TMEM94: variants seen among roughly 807,000 people sequenced by gnomAD.
TMEM94 encodes the protein transmembrane protein 94.
Under a neutral mutation model 158.6 loss-of-function variants are expected in TMEM94, and 81 were observed. The observed-to-expected ratio is 0.51, with a 90% CI of 0.43 to 0.61. The LOEUF (loss-of-function observed/expected upper bound fraction) is 0.61. Ranked by LOEUF, TMEM94 falls within the 20% of genes least tolerant of loss-of-function variation. The pLI is 0.00. For missense variants in TMEM94, 1,435 were observed against 1,762.0 expected (o/e 0.81, Z 3.32); for synonymous variants, 751 against 730.7 (o/e 1.03, Z -0.45).
chr17:75,462,492 C>T (rs1305668418), intron 1 of TMEM94, among the ~76,000 whole-genome samples: 3 of 151,488 alleles, frequency 2.0e-5, no homozygotes, highest in Admixed American at 6.6e-5. Flanking sequence ...TGCTTGGTTC[C>T]CTCTAGTGAT....
Position 75,492,110 on chromosome 17 carries a change from C to G in TMEM94, c.1596+210C>G, listed in dbSNP as rs1226897890. ...CCCCCTACCCTTCCATTCTTGTAATCGCAATCACTGGTGTCCCTACTGGAA... is the reference window on the plus strand; with the variant it reads ...CCCCCTACCCTTCCATTCTTGTAATGGCAATCACTGGTGTCCCTACTGGAA... On this transcript the variant is annotated intron_variant, in intron 14 of 31. Transcript: ENST00000314256. This position sits in a 1 kb window ranked among gnomAD's most constrained non-coding sequence, Gnocchi z 4.4. The G allele has an allele frequency of 1.3e-6, 1 of 780,856 alleles. No individual in the cohort carries two copies. The highest frequency in any genetic ancestry group is 1.8e-5 in the African/African-American group (1 of 57,016). 48.4% of individuals were successfully genotyped at this position (780,856 alleles called of 1,614,324 possible). A position where few individuals can be genotyped will look rare whatever the true frequency, so the allele number is the denominator to read the frequency against.
At chr17:75,466,918 A>T (rs893264481) in intron 1 of TMEM94, among the ~76,000 whole-genome samples, 1 of 151,898 alleles carries the variant, frequency 6.6e-6, no homozygotes, top group African/African-American at 2.4e-5. Flanking sequence ...AGTCTTCTTT[A>T]ATTTTTCTCA....
chr17:75,498,560 G>C lies in TMEM94; in HGVS notation c.3733+22G>C. The C allele has an allele frequency of 3.1e-6, 5 of 1,612,588 alleles. No homozygotes were observed. Among genetic ancestry groups the C allele is most frequent in the South Asian group, 1.1e-5 (1 of 90,830 alleles). ...ACTGGTGAGAGGGCTCCCTGGGAGG[G>C]CGTGGATGATGGTGGGAGAGGAGCC... On this transcript the variant is annotated intron_variant, in intron 29 of 31. Transcript: ENST00000314256. This position sits in a 1 kb window ranked among gnomAD's most constrained non-coding sequence, Gnocchi z 6.7.
chr17:75,485,705 T>G lies in TMEM94; in HGVS notation c.144+158T>G. 1 of 1,330,722 alleles carries G rather than the reference T, an allele frequency of 7.5e-7. No homozygotes were observed. Among genetic ancestry groups the G allele is most frequent in the Non-Finnish European group, 1.0e-6 (1 of 970,808 alleles). 82.4% of individuals were successfully genotyped at this position (1,330,722 alleles called of 1,614,324 possible). A position where few individuals can be genotyped will look rare whatever the true frequency, so the allele number is the denominator to read the frequency against. On this transcript the variant is annotated intron_variant, in intron 3 of 31. Transcript: ENST00000314256. This position sits in a 1 kb window ranked among gnomAD's most constrained non-coding sequence, Gnocchi z 5.5. ...AAAGAAGCCAAGGTTCCCCTCAGAG[T>G]GGCTCCTGAGCCTGCTTGCTGCAGG...
In TMEM94 at chr17:75,464,680, T is replaced by TTCC. The variant is rs1567907056; in HGVS notation, c.-106-7119_-106-7118insCCT. 8.7e-4 allele frequency among the ~76,000 whole-genome samples: 39 copies of TTCC among 44,762 alleles called. No homozygotes were observed. In the East Asian group the frequency reaches 9.3e-3, roughly 11 times the overall value. 29.4% of individuals were successfully genotyped at this position (44,762 alleles called of 152,430 possible). ...CCTTCCTTCCTTCCTTCCTTCCTTC[T>TTCC]TTCTTTCTTTCTTTCTTTCTTTCTT... On this transcript the variant is annotated intron_variant, in intron 1 of 31. Transcript: ENST00000314256.
intron 2 of TMEM94, among the ~76,000 whole-genome samples, chr17:75,474,229 G>A (rs528848428): frequency 6.6e-6 from 1 of 152,218 alleles, no homozygotes; most frequent in Non-Finnish European, 1.5e-5. Context: ...TCTCAGCCAG[G>A]TGCAGTGGCT....
chr17:75,470,683 C>T (rs1396093741), intron 1 of TMEM94, among the ~76,000 whole-genome samples: 3 of 150,686 alleles, frequency 2.0e-5, no homozygotes, highest in East Asian at 2.0e-4. Context: ...CCAGCCTGGG[C>T]GACAGAGCGA....
rs2146863568 is a variant in TMEM94, at chr17:75,496,409, C to A, written c.3181C>A (p.Leu1061Met). 1.2e-6 allele frequency: 2 copies of A among 1,613,894 alleles called. No homozygotes were observed. The highest frequency in any genetic ancestry group is 4.5e-5 in the East Asian group (2 of 44,888). ...GCAGCTGTCAGGGCAGCTCAACAGCCTGCCCTGTTCCCTGACCTTTCGCCA... is the reference window on the plus strand; with the variant it reads ...GCAGCTGTCAGGGCAGCTCAACAGCATGCCCTGTTCCCTGACCTTTCGCCA... Reference protein sequence around the residue: ...PLQLSGQLNSLPCSLTFRQEE... With the variant: ...PLQLSGQLNSMPCSLTFRQEE... Residue 1061 changes from leucine (L) to methionine (M), a missense_variant, in exon 24 of 32, where the codon CTG (leucine) becomes ATG (methionine). This residue lies in a region of TMEM94 where 335 missense variants were observed against 409.1 expected (regional missense o/e 0.82). Coordinates refer to ENST00000314256, the MANE Select transcript of TMEM94 (RefSeq NM_014738.6).
At position 75,476,791 on chromosome 17, in the gene TMEM94, TC is replaced by T. The variant is rs1254040454; in HGVS notation, c.24+4865del. ...TACGCTTCTCTTTAAAATGCTGTGTTCCCTGCTTTGTGTGGGAGTCTTCGGG... is the reference window on the plus strand; with the variant it reads ...TACGCTTCTCTTTAAAATGCTGTGTTCCTGCTTTGTGTGGGAGTCTTCGGG... On this transcript the variant is annotated intron_variant, in intron 2 of 31. Coordinates refer to ENST00000314256, the MANE Select transcript of TMEM94 (RefSeq NM_014738.6). 2.6e-6 allele frequency: 4 copies of T among 1,535,082 alleles called. No individual in the cohort carries two copies. In the African/African-American group the frequency reaches 4.1e-5, roughly 16 times the overall value.
At position 75,494,579 on chromosome 17, in the gene TMEM94, G is replaced by T. The variant is rs774025793; in HGVS notation, c.2408-48G>T. 6 of 1,596,526 alleles carry T rather than the reference G, an allele frequency of 3.8e-6. No homozygotes were observed. In the Admixed American group the frequency reaches 1.0e-4, roughly 27 times the overall value. ...CATCTGTGTGTGTGGCCCTGGGCTG[G>T]TTCCTGGGTGTCCTGATCGGGCTGT... On this transcript the variant is annotated intron_variant, in intron 18 of 31. Transcript: ENST00000314256.
chr17:75,495,479 C>A lies in TMEM94; in HGVS notation c.2845-65C>A. 2 of 1,589,570 alleles carry A rather than the reference C, an allele frequency of 1.3e-6. No homozygotes were observed. Among genetic ancestry groups the A allele is most frequent in the Non-Finnish European group, 8.6e-7 (1 of 1,159,246 alleles). On this transcript the variant is annotated intron_variant, in intron 21 of 31. Transcript: ENST00000314256. This position sits in a 1 kb window ranked among gnomAD's most constrained non-coding sequence, Gnocchi z 5.6. ...AGGGGAGAGGTAGAGAGGTGGTGGG[C>A]AGGCGGTGGAGGGGAGGGATGCTGA...
intron 1 of TMEM94, among the ~76,000 whole-genome samples, chr17:75,458,299 G>A (rs2049954159): frequency 1.3e-5 from 2 of 151,964 alleles, no homozygotes; most frequent in South Asian, 4.1e-4. Flanking sequence ...TAGTACTTTT[G>A]GCAAAAGAAG....
rs372428370 is a variant in TMEM94 at position 75,495,069 on chromosome 17, C to A, written c.2728+35C>A. 1.6e-6 allele frequency: 1 copy of A among 617,040 alleles called. No homozygotes were observed. The highest frequency in any genetic ancestry group is 1.4e-5 in the South Asian group (1 of 71,448). 38.2% of individuals were successfully genotyped at this position (617,040 alleles called of 1,614,324 possible). Reference sequence around the variant, plus strand: ...AAGGCGTGGGGTGGGGACGGGGTGGCGGTGGGAGGATTCCCCTCCTCAGAG... The same window carrying A: ...AAGGCGTGGGGTGGGGACGGGGTGGAGGTGGGAGGATTCCCCTCCTCAGAG... On this transcript the variant is annotated intron_variant, in intron 20 of 31. Coordinates refer to ENST00000314256, the MANE Select transcript of TMEM94 (RefSeq NM_014738.6). The surrounding 1 kb of genome is among the most constrained non-coding windows in gnomAD (Gnocchi z 5.6).
chr17:75,498,807 G>C lies in TMEM94; in HGVS notation c.3827+85G>C. ...GGCTAGGATCGGAGGGCGGGACCGG[G>C]GCCAGTGGTTTAACTGTACCCTGCC... On this transcript the variant is annotated intron_variant, in intron 30 of 31. Coordinates refer to ENST00000314256, the MANE Select transcript of TMEM94 (RefSeq NM_014738.6). This position sits in a 1 kb window ranked among gnomAD's most constrained non-coding sequence, Gnocchi z 6.7. 25 of 1,524,792 alleles carry C rather than the reference G, an allele frequency of 1.6e-5. No homozygotes were observed. The highest frequency in any genetic ancestry group is 2.2e-5 in the Non-Finnish European group (25 of 1,135,232). The allele number at this position is 1,524,792 out of a possible 1,614,324, so 94.5% of individuals were successfully genotyped here.
intron 2 of TMEM94, among the ~76,000 whole-genome samples, chr17:75,473,806 CT>C (rs1188126094): frequency 6.6e-6 from 1 of 152,154 alleles, no homozygotes; most frequent in Non-Finnish European, 1.5e-5. Context: ...GGCTTATTGT[CT>C]AGTAGAGGAA....
At chr17:75,488,961 G>A in intron 7 of TMEM94, 51 bp downstream of exon 7, 2 of 1,519,490 alleles carry the variant, frequency 1.3e-6, no homozygotes, top group Non-Finnish European at 1.8e-6. Context: ...CTGTGAAGAG[G>A]GGAATGGGAC....
At chr17:75,469,323 T>G (rs1381932616) in intron 1 of TMEM94, among the ~76,000 whole-genome samples, 1 of 149,234 alleles carries the variant, frequency 6.7e-6, no homozygotes, top group African/African-American at 2.5e-5. Flanking sequence ...TCACTTGATG[T>G]TAAGGCTAAC....
chr17:75,492,111 G>C lies in TMEM94; in HGVS notation c.1596+211G>C, dbSNP rs1378947005. ...CCCCTACCCTTCCATTCTTGTAATC[G>C]CAATCACTGGTGTCCCTACTGGAAC... On this transcript the variant is annotated intron_variant, in intron 14 of 31. Coordinates refer to ENST00000314256, the MANE Select transcript of TMEM94 (RefSeq NM_014738.6). This position sits in a 1 kb window ranked among gnomAD's most constrained non-coding sequence, Gnocchi z 4.4. The C allele has an allele frequency of 1.3e-6, 1 of 778,928 alleles. No individual in the cohort carries two copies. Among genetic ancestry groups the C allele is most frequent in the Non-Finnish European group, 2.0e-6 (1 of 499,214 alleles). 48.3% of individuals were successfully genotyped at this position (778,928 alleles called of 1,614,324 possible). A position where few individuals can be genotyped will look rare whatever the true frequency, so the allele number is the denominator to read the frequency against.
In TMEM94 at chr17:75,495,712, A is replaced by G. The variant is rs2052616045; in HGVS notation, c.2944+69A>G. On this transcript the variant is annotated intron_variant, in intron 22 of 31. Transcript: ENST00000314256. This position sits in a 1 kb window ranked among gnomAD's most constrained non-coding sequence, Gnocchi z 5.6. The stretch of plus-strand genomic sequence containing the variant: ...GGCTGAGCTCTGCCTGGGCCTGCGT[A>G]CCCCGTGGGCTCTGGAGGGATGTAG... The G allele has an allele frequency of 1.4e-6, 2 of 1,446,832 alleles. No homozygotes were observed. The highest frequency in any genetic ancestry group is 1.9e-6 in the Non-Finnish European group (2 of 1,034,228). 89.6% of individuals were successfully genotyped at this position (1,446,832 alleles called of 1,614,324 possible).
Sources: gnomAD v4.1 joint callset for allele counts (sites outside exome capture counted in the v4.1 genomes callset) on GRCh38, gnomAD v4.1.1 for gene constraint, gnomAD v4.1.1 regional missense constraint, Gnocchi (gnomAD v3.1) non-coding constraint, MANE v1.5 for transcripts, NCBI Gene and HGNC (gene_info 2026-07-23, HGNC 2026-07-21) for gene names.